GABRG3: variants seen among roughly 807,000 people sequenced by gnomAD.
The protein encoded by GABRG3 is gamma-aminobutyric acid receptor subunit gamma-3.
A neutral mutation model predicts 48.8 loss-of-function variants in GABRG3; 25 were observed. The observed-to-expected ratio is 0.51, with a 90% confidence interval of 0.37 to 0.72. The LOEUF (loss-of-function observed/expected upper bound fraction) is 0.72. Ranked by LOEUF, GABRG3 falls within the 30% of genes least tolerant of loss-of-function variation. The pLI is 0.00. For missense variants in GABRG3, 394 were observed against 577.9 expected (o/e 0.68, Z 3.26); for synonymous variants, 227 against 217.6 (o/e 1.04, Z -0.38).
At chr15:27,022,400 C>T (rs750099457) in intron 2 of GABRG3, among the ~76,000 whole-genome samples, 11 of 152,120 alleles carry the variant, frequency 7.2e-5, no homozygotes, top group Non-Finnish European at 1.5e-4. Context: ...TCTGTGCCCA[C>T]CTCAGGGGGC....
At chr15:27,121,545 G>A (rs1024996516) in intron 3 of GABRG3, among the ~76,000 whole-genome samples, 8 of 152,118 alleles carry the variant, frequency 5.3e-5, no homozygotes, top group African/African-American at 1.9e-4. Flanking sequence ...ACTGTGTAGA[G>A]GCTGTGCCTG....
chr15:27,172,599 C>T (rs1440309183), intron 3 of GABRG3, among the ~76,000 whole-genome samples: 2 of 152,170 alleles, frequency 1.3e-5, no homozygotes, highest in Non-Finnish European at 2.9e-5. Context: ...ATTACCTGGT[C>T]TCCTCTCTCT....
intron 4 of GABRG3, 32 bp from the exon 5 acceptor site, chr15:27,328,774 C>G: frequency 6.2e-7 from 1 of 1,602,840 alleles, no homozygotes; most frequent in South Asian, 1.1e-5. Flanking sequence ...GTGCTGTGTG[C>G]TGAGCTAGAC....
At chr15:27,254,675 G>A (rs1214568294) in intron 3 of GABRG3, among the ~76,000 whole-genome samples, 1 of 152,064 alleles carries the variant, frequency 6.6e-6, no homozygotes, top group Non-Finnish European at 1.5e-5. Flanking sequence ...TCTTTCATAA[G>A]AGTGCAGATC....
intron 5 of GABRG3, among the ~76,000 whole-genome samples, chr15:27,353,504 C>A (rs550676946): frequency 2.6e-4 from 39 of 151,910 alleles, no homozygotes; most frequent in Admixed American, 9.2e-4. Flanking sequence ...AGTGCAATGG[C>A]ACGATCTCAG....
chr15:27,029,511 A>G (rs1369806246), intron 3 of GABRG3, among the ~76,000 whole-genome samples: 1 of 151,968 alleles, frequency 6.6e-6, no homozygotes, highest in Non-Finnish European at 1.5e-5. Flanking sequence ...GTACGTGTGC[A>G]CACATGCATC....
At chr15:27,480,512 G>A in intron 5 of GABRG3, 138 bp from the exon 6 acceptor site, 1 of 770,464 alleles carries the variant, frequency 1.3e-6, no homozygotes, top group Non-Finnish European at 2.0e-6. Flanking sequence ...CTGTGTCTTG[G>A]AGGAAAATTG....
At chr15:27,249,096 G>A (rs758482592) in intron 3 of GABRG3, among the ~76,000 whole-genome samples, 16 of 152,146 alleles carry the variant, frequency 1.1e-4, no homozygotes, top group East Asian at 1.9e-4. Flanking sequence ...TATTCAACAC[G>A]CGACCTGGGT....
intron 5 of GABRG3, among the ~76,000 whole-genome samples, chr15:27,330,392 T>C (rs150354080): frequency 6.6e-6 from 1 of 152,280 alleles, no homozygotes; most frequent in Non-Finnish European, 1.5e-5. Context: ...TCGCTTATTT[T>C]ACTTTTGCTT....
At chr15:27,311,346 AGAT>A (rs971811555) in intron 3 of GABRG3, among the ~76,000 whole-genome samples, 1 of 152,144 alleles carries the variant, frequency 6.6e-6, no homozygotes, top group African/African-American at 2.4e-5. Flanking sequence ...CCCAGCTCCC[AGAT>A]TTTCCTTGGG....
In GABRG3 at chr15:27,405,268, A is replaced by T. The variant is rs533035131; in HGVS notation, c.575-75382A>T. The stretch of plus-strand genomic sequence containing the variant: ...GAATAAAATAGAAACATTAACACAT[A>T]TGTAAGAAAATATCTCTATGACCAC... On this transcript the variant is annotated intron_variant, in intron 5 of 9. Transcript: ENST00000615808. Among the ~76,000 whole-genome samples the T allele has an allele frequency of 1.8e-4, 28 of 152,348 alleles. No homozygotes were observed. In the South Asian group the frequency reaches 5.4e-3, roughly 29 times the overall value.
intron 3 of GABRG3, among the ~76,000 whole-genome samples, chr15:27,314,299 G>A (rs1893137545): frequency 6.6e-6 from 1 of 152,084 alleles, no homozygotes; most frequent in South Asian, 2.1e-4. Context: ...CTGCCAACAG[G>A]TATATGAAAA....
intron 5 of GABRG3, among the ~76,000 whole-genome samples, chr15:27,403,923 AAAAAAC>A (rs1566825959): frequency 2.4e-5 from 3 of 124,642 alleles, no homozygotes; most frequent in Middle Eastern, 4.2e-3. Context: ...ACAAAAAAAA[AAAAAAC>A]AAAAAAAAAA....
At chr15:27,455,537 CTA>C (rs1889242938) in intron 5 of GABRG3, among the ~76,000 whole-genome samples, 1 of 138,622 alleles carries the variant, frequency 7.2e-6, no homozygotes, top group Non-Finnish European at 1.5e-5. Flanking sequence ...TGTGTGTATG[CTA>C]TGTGTGGTTT....
intron 5 of GABRG3, among the ~76,000 whole-genome samples, chr15:27,442,347 G>C (rs1468226495): frequency 6.6e-6 from 1 of 152,252 alleles, no homozygotes; most frequent in Non-Finnish European, 1.5e-5. Flanking sequence ...CACAGCCTCA[G>C]GAAGATGGGC....
intron 3 of GABRG3, among the ~76,000 whole-genome samples, chr15:27,075,750 G>A (rs949664510): frequency 7.9e-5 from 12 of 152,172 alleles, no homozygotes; most frequent in African/African-American, 2.9e-4. Context: ...GGAAGAGGTG[G>A]ATTTTCTATG....
At chr15:27,497,879 C>G (rs961872957) in intron 6 of GABRG3, among the ~76,000 whole-genome samples, 1 of 152,132 alleles carries the variant, frequency 6.6e-6, no homozygotes, top group Non-Finnish European at 1.5e-5. Flanking sequence ...GAAACTTCAC[C>G]ATTGTTTCTT....
chr15:27,062,536 A>G (rs1595500910), intron 3 of GABRG3, among the ~76,000 whole-genome samples: 1 of 151,426 alleles, frequency 6.6e-6, no homozygotes, highest in South Asian at 2.1e-4. Flanking sequence ...TGAACCTGGG[A>G]GGCAGAGGTT....
rs573690913 is a variant in GABRG3, at chr15:27,270,725, T to C, written c.271-56084T>C. 5.3e-5 allele frequency among the ~76,000 whole-genome samples: 8 copies of C among 152,324 alleles called. No individual in the cohort carries two copies. The East Asian group carries it at 1.5e-3, about 29-fold the overall frequency. On this transcript the variant is annotated intron_variant, in intron 3 of 9. Coordinates refer to ENST00000615808, the MANE Select transcript of GABRG3 (RefSeq NM_033223.5). ...GCGTATTTCAAGAGTGTTAGAGATG[T>C]AACTCTAAGAGTTATCACCAAAAAG... is the stretch of plus-strand genomic sequence containing the variant.
Sources: allele counts gnomAD v4.1 joint callset (sites outside exome capture counted in the v4.1 genomes callset), GRCh38; gene constraint gnomAD v4.1.1; transcripts MANE v1.5; gene names NCBI Gene and HGNC (gene_info 2026-07-23, HGNC 2026-07-21).